GMEB1: variants seen among roughly 807,000 people sequenced by gnomAD.
GMEB1 encodes glucocorticoid modulatory element binding protein 1, also known as glucocorticoid modulatory element-binding protein 1.
In GMEB1, 6 loss-of-function variants were observed where a neutral mutation model predicts 52.4. That is an observed-to-expected ratio of 0.11 (90% CI 0.06 to 0.23). The LOEUF (loss-of-function observed/expected upper bound fraction) is 0.23. GMEB1 is among the 10% of genes least tolerant of loss of function. The pLI is 1.00. For synonymous variants in GMEB1, 255 were observed against 244.9 expected (o/e 1.04, Z -0.38); for missense variants, 486 against 685.6 (o/e 0.71, Z 3.25).
rs1165394573 is a variant in GMEB1 at position 28,717,530 on chromosome 1, AGTT to A, written c.*2760_*2762del. 6.6e-6 allele frequency: 1 copy of A among 152,220 alleles called. No homozygotes were observed. 9.4% of individuals were successfully genotyped at this position (152,220 alleles called of 1,614,324 possible). ...AGAATGAGATTTATGAACTCCATAC[AGTT>A]GTAGATTTCAGTTTTTAAATAGTCT... On this transcript the variant is annotated 3_prime_UTR_variant, in exon 10 of 10. Transcript: ENST00000373816.
intron 2 of GMEB1, among the ~76,000 whole-genome samples, chr1:28,689,454 A>G (rs2124505411): frequency 6.6e-6 from 1 of 152,102 alleles, no homozygotes; most frequent in Non-Finnish European, 1.5e-5. Flanking sequence ...GTGAAACCCC[A>G]TCTCTACTGA....
chr1:28,671,380 T>C (rs1361516488), intron 1 of GMEB1, among the ~76,000 whole-genome samples: 1 of 151,976 alleles, frequency 6.6e-6, no homozygotes, highest in Non-Finnish European at 1.5e-5. Flanking sequence ...GCCTCCTGAG[T>C]AGCTGGGACT....
chr1:28,673,224 A>G lies in GMEB1; in HGVS notation c.-31+4385A>G, dbSNP rs190144728. Among the ~76,000 whole-genome samples the G allele has an allele frequency of 1.1e-3, 168 of 147,138 alleles. 1 individual carries two copies. The highest frequency in any genetic ancestry group is 1.1e-3 in the Non-Finnish European group (74 of 66,976). ...TACTCCTTTTTCATTACTAGTTCCAATGTCCTTCCCTGCAATCATGTGACA... is the reference window on the plus strand; with the variant it reads ...TACTCCTTTTTCATTACTAGTTCCAGTGTCCTTCCCTGCAATCATGTGACA... On this transcript the variant is annotated intron_variant, in intron 1 of 9. Coordinates refer to ENST00000373816, the MANE Select transcript of GMEB1 (RefSeq NM_001319674.2).
At chr1:28,670,297 C>T (rs1441374905) in intron 1 of GMEB1, among the ~76,000 whole-genome samples, 2 of 152,132 alleles carry the variant, frequency 1.3e-5, no homozygotes, top group East Asian at 1.9e-4. Flanking sequence ...GGACTACAGG[C>T]GCGTGCCACC....
At chr1:28,692,828 G>C in intron 4 of GMEB1, 114 bp from the exon 5 acceptor site, 1 of 532,366 alleles carries the variant, frequency 1.9e-6, no homozygotes, top group Middle Eastern at 4.3e-4. Flanking sequence ...CAAGGCTTAG[G>C]ATGTCATCTG....
At chr1:28,690,322 A>G (rs1057148215) in intron 3 of GMEB1, 136 bp downstream of exon 3, 1 of 507,746 alleles carries the variant, frequency 2.0e-6, no homozygotes. Context: ...TACCAGTACT[A>G]CAGCCCTCGA....
chr1:28,691,511 G>A (rs1669961805), intron 3 of GMEB1, 74 bp from the exon 4 acceptor site: 2 of 1,098,182 alleles, frequency 1.8e-6, no homozygotes, highest in African/African-American at 3.2e-5. Flanking sequence ...GAGGAACCAG[G>A]AGACTAGAGA....
chr1:28,692,435 G>A (rs1196770905), intron 4 of GMEB1, among the ~76,000 whole-genome samples: 1 of 151,988 alleles, frequency 6.6e-6, no homozygotes, highest in Non-Finnish European at 1.5e-5. Context: ...CGGAGGCTAA[G>A]GCAGGAGAAT....
In GMEB1 at chr1:28,704,347, A is replaced by C. The variant is rs746903162; in HGVS notation, c.868+18A>C. 2.5e-6 allele frequency: 4 copies of C among 1,604,914 alleles called. No homozygotes were observed. In the Admixed American group the frequency reaches 6.8e-5, roughly 27 times the overall value. ...AGTCACAGGTAAGTGCACTAATCCT[A>C]ACAGTAGCAGTGATTTATTGAATAC... is the stretch of plus-strand genomic sequence containing the variant. On this transcript the variant is annotated intron_variant, in intron 8 of 9. Transcript: ENST00000373816.
chr1:28,693,570 G>T (rs1045929049), intron 5 of GMEB1, among the ~76,000 whole-genome samples: 2 of 151,706 alleles, frequency 1.3e-5, no homozygotes, highest in African/African-American at 4.8e-5. Flanking sequence ...AGGCTGGAGT[G>T]CAGTGGCGCG....
Position 28,714,990 on chromosome 1 carries a change from A to G in GMEB1, c.*217A>G. The G allele has an allele frequency of 5.5e-6, 3 of 540,836 alleles. No individual in the cohort carries two copies. Among genetic ancestry groups the G allele is most frequent in the Non-Finnish European group, 9.9e-6 (3 of 303,480 alleles). 33.5% of individuals were successfully genotyped at this position (540,836 alleles called of 1,614,324 possible). A position where few individuals can be genotyped will look rare whatever the true frequency, so the allele number is the denominator to read the frequency against. ...TCCAGAAGTTGAGAGTAGGTCATTC[A>G]ATGTCCTAATCATCTTACACCAAGA... is the stretch of plus-strand genomic sequence containing the variant. On this transcript the variant is annotated 3_prime_UTR_variant, in exon 10 of 10. Coordinates refer to ENST00000373816, the MANE Select transcript of GMEB1 (RefSeq NM_001319674.2).
At chr1:28,669,688 GTGTCTAGGTGCCTCTTGA>G (rs1351142988) in intron 1 of GMEB1, among the ~76,000 whole-genome samples, 2 of 152,110 alleles carry the variant, frequency 1.3e-5, no homozygotes, top group Non-Finnish European at 2.9e-5. Flanking sequence ...GGGATGGAAG[GTGTCTAGGTGCCTCTTGA>G]TGTCTAGGTG....
intron 1 of GMEB1, among the ~76,000 whole-genome samples, chr1:28,672,365 C>G (rs915634949): frequency 5.1e-4 from 77 of 150,014 alleles, no homozygotes; most frequent in Non-Finnish European, 7.3e-4. Flanking sequence ...GACTACTCTC[C>G]CGCCACCACT....
chr1:28,686,245 C>A (rs1356174926), intron 2 of GMEB1, among the ~76,000 whole-genome samples: 1 of 151,934 alleles, frequency 6.6e-6, no homozygotes, highest in Non-Finnish European at 1.5e-5. Flanking sequence ...GGAGGCTGAG[C>A]TGGGATGATC....
In GMEB1 at chr1:28,687,334, TCACACACA is replaced by T. The variant is rs1161076315; in HGVS notation, c.129-2723_129-2716del. On this transcript the variant is annotated intron_variant, in intron 2 of 9. Coordinates refer to ENST00000373816, the MANE Select transcript of GMEB1 (RefSeq NM_001319674.2). Reference sequence around the variant, plus strand: ...CTGGGCAACAGAATGAGACCCTATCTCACACACACACACACACACACACACACACACAC... The same window carrying T: ...CTGGGCAACAGAATGAGACCCTATCTCACACACACACACACACACACACAC... Among the ~76,000 whole-genome samples the T allele has an allele frequency of 1.6e-3, 86 of 54,118 alleles. 10 individuals are homozygous for T. The highest frequency in any genetic ancestry group is 5.4e-3 in the African/African-American group (76 of 13,976). The allele number at this position is 54,118 out of a possible 152,430, so 35.5% of individuals were successfully genotyped here.
At chr1:28,669,097 C>G (rs1316235124) in intron 1 of GMEB1, among the ~76,000 whole-genome samples, 1 of 148,062 alleles carries the variant, frequency 6.8e-6, no homozygotes, top group Non-Finnish European at 1.5e-5. Flanking sequence ...CCAGCGCAGC[C>G]GGCCGCGCCG....
intron 1 of GMEB1, among the ~76,000 whole-genome samples, chr1:28,675,316 C>T (rs1435697441): frequency 1.3e-5 from 2 of 152,136 alleles, no homozygotes; most frequent in Non-Finnish European, 2.9e-5. Flanking sequence ...CGCGCCCGGC[C>T]CCACAATAGT....
At chr1:28,675,746 A>AGTT (rs1358143819) in intron 1 of GMEB1, among the ~76,000 whole-genome samples, 1 of 151,994 alleles carries the variant, frequency 6.6e-6, no homozygotes, top group African/African-American at 2.4e-5. Context: ...TTCCAGAGAG[A>AGTT]GTTGTATGAT....
At chr1:28,682,242 C>T (rs1669423540) in intron 1 of GMEB1, among the ~76,000 whole-genome samples, 1 of 152,036 alleles carries the variant, frequency 6.6e-6, no homozygotes, top group Non-Finnish European at 1.5e-5. Flanking sequence ...TCAAGGAGCA[C>T]ATGGTGCTGG....
Sources: allele counts gnomAD v4.1 joint callset (sites outside exome capture counted in the v4.1 genomes callset), GRCh38; gene constraint gnomAD v4.1.1; transcripts MANE v1.5; gene names NCBI Gene and HGNC (gene_info 2026-07-23, HGNC 2026-07-21).